Variants in FAM161B observed in about 807,000 individuals in gnomAD.
FAM161B encodes the protein FAM161 centrosomal protein B.
Under a neutral mutation model 61.5 loss-of-function variants are expected in FAM161B, and 46 were observed. That is an observed-to-expected ratio of 0.75 (90% CI 0.59 to 0.96). The LOEUF (loss-of-function observed/expected upper bound fraction) is 0.96, where lower values mean the gene tolerates loss of function less well. FAM161B is among the 40% of genes least tolerant of loss of function. The pLI, the probability that FAM161B is intolerant of heterozygous loss-of-function variation, is 0.00. For missense variants in FAM161B, 774 were observed against 800.7 expected (o/e 0.97, Z 0.40); for synonymous variants, 284 against 302.7 (o/e 0.94, Z 0.64).
chr14:73,944,129 A>G (rs571325679), intron 3 of FAM161B, among the ~76,000 whole-genome samples: 54 of 151,884 alleles, frequency 3.6e-4, no homozygotes, highest in Non-Finnish European at 3.5e-4. Flanking sequence ...ACACTGTGGG[A>G]CCTCTCACTC....
At chr14:73,938,460 AAAT>A (rs1041670252) in intron 5 of FAM161B, among the ~76,000 whole-genome samples, 18 of 151,516 alleles carry the variant, frequency 1.2e-4, no homozygotes, top group African/African-American at 2.7e-4. Context: ...TCCGTCTCAA[AAAT>A]AATAATAATA....
In FAM161B at chr14:73,938,059, ATC is replaced by A; in HGVS notation, c.1452_1453del (p.Glu484AspfsTer24). 1 of 1,614,108 alleles carries A rather than the reference ATC, an allele frequency of 6.2e-7. No individual in the cohort carries two copies. Among genetic ancestry groups the A allele is most frequent in the Non-Finnish European group, 8.5e-7 (1 of 1,180,020 alleles). On this transcript the variant is annotated frameshift_variant, in exon 6 of 9. Transcript: ENST00000286544. LOFTEE classifies it high-confidence loss of function. ...CATTGCTTGAGACTTCTTTTTGTGT[ATC>A]TCCAGCCACTGAATACTCTCATCTG...
intron 2 of FAM161B, 74 bp from the exon 3 acceptor site, chr14:73,944,959 A>G: frequency 2.3e-6 from 3 of 1,279,206 alleles, no homozygotes; most frequent in Non-Finnish European, 3.1e-6. Flanking sequence ...CCTCCTCCCC[A>G]GTCCTCCCTT....
intron 8 of FAM161B, 88 bp from the exon 9 acceptor site, chr14:73,934,482 T>A (rs952241040): frequency 3.8e-6 from 5 of 1,312,328 alleles, no homozygotes; most frequent in Middle Eastern, 2.7e-4. Flanking sequence ...TGCAGTGGCA[T>A]GATCTCAGCT....
At chr14:73,942,804 T>TA in intron 3 of FAM161B, 89 bp from the exon 4 acceptor site, 1 of 1,197,988 alleles carries the variant, frequency 8.3e-7, no homozygotes, top group African/African-American at 1.5e-5. Context: ...ACACTAGCTG[T>TA]AAGTGTTACT....
chr14:73,944,746 G>C lies in FAM161B; in HGVS notation c.514C>G (p.Pro172Ala), dbSNP rs747452468. Residue 172 changes from proline to alanine, a missense_variant, in exon 3 of 9, where the codon CCT (proline) becomes GCT (alanine). Pro to Ala is a conservative substitution (Grantham distance 27). Coordinates refer to ENST00000286544, the MANE Select transcript of FAM161B (RefSeq NM_152445.3). ...VSSWASSITV[P>A]RPFRMTLREA... ...CGCAGCGTCATGCGGAATGGCCGAG[G>C]GACAGTAATGGATGATGCCCAGGAG... The C allele has an allele frequency of 3.8e-6, 6 of 1,597,896 alleles. No individual in the cohort carries two copies. In the African/African-American group the frequency reaches 6.7e-5, roughly 18 times the overall value.
intron 1 of FAM161B, among the ~76,000 whole-genome samples, chr14:73,946,921 C>G (rs1244749536): frequency 6.6e-6 from 1 of 152,138 alleles, no homozygotes; most frequent in Non-Finnish European, 1.5e-5. Flanking sequence ...CAGAGTACCT[C>G]ACCTACACCA....
chr14:73,928,403 T>C (rs1183444092), downstream of FAM161B, among the ~76,000 whole-genome samples: 1 of 152,048 alleles, frequency 6.6e-6, no homozygotes, highest in Non-Finnish European at 1.5e-5. Context: ...AATTGAGAGC[T>C]GGAAAGATAA....
At chr14:73,945,419 A>AT (rs924366686) in intron 2 of FAM161B, among the ~76,000 whole-genome samples, 11 of 151,396 alleles carry the variant, frequency 7.3e-5, no homozygotes, top group Admixed American at 1.3e-4. Context: ...GCTTCCCTGT[A>AT]TTTTTTTTTA....
At chr14:73,940,896 G>C in intron 5 of FAM161B, 30 bp downstream of exon 5, 2 of 1,587,116 alleles carry the variant, frequency 1.3e-6, no homozygotes, top group African/African-American at 1.4e-5. Context: ...CAGAATCAGA[G>C]CATGGGTCTC....
At position 73,932,393 on chromosome 14, in the gene FAM161B, A is replaced by AC. The variant is rs1296351118; in HGVS notation, c.*1862dup. 3 of 441,536 alleles carry AC rather than the reference A, an allele frequency of 6.8e-6. No individual in the cohort carries two copies. The Admixed American group carries it at 7.9e-5, about 12-fold the overall frequency. The allele number at this position is 441,536 out of a possible 1,614,324, so 27.4% of individuals were successfully genotyped here. On this transcript the variant is annotated 3_prime_UTR_variant, in exon 9 of 9. Transcript: ENST00000286544. ...TAGGATTCCATACCAGTAAAACTGA[A>AC]CCGAGGAGTCTTAGGAAACAACAAG...
At chr14:73,939,845 A>C (rs2056002700) in intron 5 of FAM161B, among the ~76,000 whole-genome samples, 1 of 152,260 alleles carries the variant, frequency 6.6e-6, no homozygotes, top group South Asian at 2.1e-4. Context: ...GAAGGACATG[A>C]AAATTTAATC....
At chr14:73,947,143 T>G (rs1350461035) in intron 1 of FAM161B, among the ~76,000 whole-genome samples, 1 of 152,146 alleles carries the variant, frequency 6.6e-6, no homozygotes, top group East Asian at 1.9e-4. Flanking sequence ...CCCAGCATTT[T>G]GGGAGGCCGA....
In FAM161B at chr14:73,934,249, G is replaced by A. The variant is rs938899960; in HGVS notation, c.*7C>T. 2 of 1,604,404 alleles carry A rather than the reference G, an allele frequency of 1.2e-6. No individual in the cohort carries two copies. The highest frequency in any genetic ancestry group is 1.7e-6 in the Non-Finnish European group (2 of 1,177,616). ...TTTTTCAAAAGCAGTAATTTTAAGT[G>A]TAGTGATTAAGCAAGTGATACGAGA... On this transcript the variant is annotated 3_prime_UTR_variant, in exon 9 of 9. Coordinates refer to ENST00000286544, the MANE Select transcript of FAM161B (RefSeq NM_152445.3).
intron 7 of FAM161B, 141 bp from the exon 8 acceptor site, chr14:73,936,229 A>C: frequency 9.8e-7 from 1 of 1,015,970 alleles, no homozygotes; most frequent in South Asian, 2.4e-5. Flanking sequence ...AAATTATTTA[A>C]CCCTTGTTTT....
the FAM161B span, among the ~76,000 whole-genome samples, chr14:73,925,582 C>G: frequency 6.6e-6 from 1 of 152,114 alleles, no homozygotes; most frequent in Non-Finnish European, 1.5e-5. Context: ...CACCCACTAC[C>G]AAACCCGGCT....
At position 73,942,682 on chromosome 14, in the gene FAM161B, A is replaced by G. The variant is rs1286732360; in HGVS notation, c.959T>C (p.Met320Thr). 6.2e-7 allele frequency: 1 copy of G among 1,613,822 alleles called. No homozygotes were observed. The highest frequency in any genetic ancestry group is 1.7e-5 in the Admixed American group (1 of 59,976). Reference protein sequence around the residue: ...AELFRKIRIQMRALDMLQMAS... With the variant: ...AELFRKIRIQTRALDMLQMAS... ...CATCTGGAGCATGTCCAGGGCTCTC[A>G]TTTGGATGCGAATTTTCCTGAAGAG... The change falls in exon 4 of 9, where the codon ATG (methionine) becomes ACG (threonine). Residue 320 changes from methionine (M) to threonine (T), a missense_variant. By Grantham distance (81) the Met-to-Thr change is moderately conservative. Coordinates refer to ENST00000286544, the MANE Select transcript of FAM161B (RefSeq NM_152445.3).
chr14:73,927,085 T>C (rs541502532), downstream of FAM161B: 13 of 149,516 alleles, frequency 8.7e-5, no homozygotes, highest in South Asian at 1.5e-3. Flanking sequence ...CTGTGTTTAT[T>C]ATGATTTTTT....
intron 8 of FAM161B, 92 bp from the exon 9 acceptor site, chr14:73,934,486 C>T (rs2055954488): frequency 8.0e-7 from 1 of 1,244,896 alleles, no homozygotes; most frequent in Non-Finnish European, 1.1e-6. Context: ...GTGGCATGAT[C>T]TCAGCTCACT....
Sources: allele counts gnomAD v4.1 joint callset (sites outside exome capture counted in the v4.1 genomes callset), GRCh38; gene constraint gnomAD v4.1.1; transcripts MANE v1.5; gene names NCBI Gene and HGNC (gene_info 2026-07-23, HGNC 2026-07-21).